Variants in RALA observed in about 807,000 individuals in gnomAD.
The protein encoded by RALA is RAS like proto-oncogene A, also known as ras-related protein Ral-A.
In RALA, 5 loss-of-function variants were observed where a neutral mutation model predicts 24.0. That is an observed-to-expected ratio of 0.21 (90% CI 0.11 to 0.44). The LOEUF (loss-of-function observed/expected upper bound fraction) is 0.44. RALA is among the 20% of genes least tolerant of loss of function. The probability of loss-of-function intolerance (pLI) is 0.99; values close to 1 mark genes in which losing one functional copy is unlikely to be tolerated. For missense variants in RALA, 95 were observed against 241.2 expected (o/e 0.39, Z 4.01); for synonymous variants, 77 against 83.8 (o/e 0.92, Z 0.44).
chr7:39,696,550 A>G, intron 3 of RALA, 135 bp from the exon 4 acceptor site: 1 of 674,034 alleles, frequency 1.5e-6, no homozygotes. Flanking sequence ...CTGTATCGAT[A>G]TTGGTTCATT....
chr7:39,695,473 G>A (rs184448988), intron 3 of RALA, among the ~76,000 whole-genome samples: 178 of 151,548 alleles, frequency 1.2e-3, no homozygotes, highest in African/African-American at 3.8e-3. Context: ...GTACAGTGAT[G>A]TAATCATGGC....
intron 2 of RALA, among the ~76,000 whole-genome samples, chr7:39,689,877 A>G (rs115361742): frequency 0.015 from 2,268 of 152,324 alleles, 40 homozygotes; most frequent in African/African-American, 0.05. Context: ...TAAAAAATCA[A>G]AAGTTTGGGA....
intron 3 of RALA, among the ~76,000 whole-genome samples, chr7:39,695,907 T>G (rs1443318713): frequency 6.6e-6 from 1 of 152,198 alleles, no homozygotes; most frequent in Non-Finnish European, 1.5e-5. Flanking sequence ...TTTCTTCCAG[T>G]AGATTAATAA....
At chr7:39,681,358 C>A (rs151188391) in intron 1 of RALA, among the ~76,000 whole-genome samples, 6 of 119,188 alleles carry the variant, frequency 5.0e-5, no homozygotes, top group Non-Finnish European at 9.9e-5. Flanking sequence ...TACTCTCTAG[C>A]CCAGGCTGGA....
intron 1 of RALA, among the ~76,000 whole-genome samples, chr7:39,637,686 G>A (rs1467061795): frequency 6.6e-6 from 1 of 152,148 alleles, no homozygotes; most frequent in African/African-American, 2.4e-5. Flanking sequence ...ATTTACATTT[G>A]GTTAGGTTTC....
chr7:39,638,744 GC>G (rs1179900722), intron 1 of RALA, among the ~76,000 whole-genome samples: 1 of 152,200 alleles, frequency 6.6e-6, no homozygotes, highest in Non-Finnish European at 1.5e-5. Context: ...CTGTGCCCAG[GC>G]CATCTTGTTT....
intron 1 of RALA, chr7:39,624,301 T>C: frequency 8.8e-6 from 1 of 114,236 alleles, no homozygotes; most frequent in East Asian, 2.2e-4. Context: ...GTTTGTTTTG[T>C]TTGTTTGTGT....
At chr7:39,629,656 C>A (rs1472792083) in intron 1 of RALA, among the ~76,000 whole-genome samples, 1 of 152,110 alleles carries the variant, frequency 6.6e-6, no homozygotes, top group Admixed American at 6.5e-5. Context: ...AGTACAGTGG[C>A]GCCATCTCAG....
At chr7:39,670,351 T>TG (rs1792358167) in intron 1 of RALA, among the ~76,000 whole-genome samples, 2 of 152,212 alleles carry the variant, frequency 1.3e-5, no homozygotes, top group Admixed American at 6.5e-5. Context: ...CTCACTGTGT[T>TG]GCCCAGGCTG....
intron 2 of RALA, among the ~76,000 whole-genome samples, chr7:39,687,532 A>G (rs1314512671): frequency 1.3e-5 from 2 of 152,230 alleles, no homozygotes; most frequent in African/African-American, 2.4e-5. Context: ...ACTAAAATTT[A>G]TAATTACCAC....
chr7:39,643,056 T>C (rs938845173), intron 1 of RALA, among the ~76,000 whole-genome samples: 1 of 152,228 alleles, frequency 6.6e-6, no homozygotes, highest in African/African-American at 2.4e-5. Context: ...GTAGATTTCC[T>C]TCTGTTCCCA....
At chr7:39,660,800 GA>G (rs1423842702) in intron 1 of RALA, among the ~76,000 whole-genome samples, 17 of 152,136 alleles carry the variant, frequency 1.1e-4, no homozygotes, top group African/African-American at 3.9e-4. Flanking sequence ...GGTATATCAT[GA>G]ATGCATTAAA....
chr7:39,634,423 C>T (rs981992494), intron 1 of RALA, among the ~76,000 whole-genome samples: 13 of 152,190 alleles, frequency 8.5e-5, no homozygotes, highest in Non-Finnish European at 1.5e-4. Context: ...ACCCTGATGG[C>T]ACACTTCAGC....
rs1339743928 is a variant in RALA at position 39,623,643 on chromosome 7, C to G, written c.-220C>G. The G allele has an allele frequency of 6.5e-6, 1 of 153,514 alleles. No individual in the cohort carries two copies. The highest frequency in any genetic ancestry group is 2.5e-5 in the African/African-American group (1 of 40,322). 9.5% of individuals were successfully genotyped at this position (153,514 alleles called of 1,614,324 possible). The stretch of plus-strand genomic sequence containing the variant: ...AGCAAAGCGTCGGAGTCCTCCTCCT[C>G]CTTCTCCTCCTCCTCCTCCTCCTCC... On this transcript the variant is annotated 5_prime_UTR_variant, in exon 1 of 5. Coordinates refer to ENST00000005257, the MANE Select transcript of RALA (RefSeq NM_005402.4). This position sits in a 1 kb window ranked among gnomAD's most constrained non-coding sequence, Gnocchi z 4.9.
At chr7:39,648,946 CT>C (rs1421910529) in intron 1 of RALA, among the ~76,000 whole-genome samples, 1 of 152,154 alleles carries the variant, frequency 6.6e-6, no homozygotes, top group Non-Finnish European at 1.5e-5. Context: ...GTAATCCCAG[CT>C]ACTCAGGAGG....
At chr7:39,663,186 TACAA>T (rs1337832151) in intron 1 of RALA, among the ~76,000 whole-genome samples, 1 of 152,178 alleles carries the variant, frequency 6.6e-6, no homozygotes, top group African/African-American at 2.4e-5. Context: ...TCATATCACA[TACAA>T]ACACAACTAT....
chr7:39,673,292 G>A (rs1792421412), intron 1 of RALA, among the ~76,000 whole-genome samples: 1 of 151,844 alleles, frequency 6.6e-6, no homozygotes, highest in African/African-American at 2.4e-5. Context: ...GACTTACTAG[G>A]TTTTTTTTAA....
intron 1 of RALA, 115 bp from the exon 2 acceptor site, chr7:39,686,516 A>G: frequency 1.7e-6 from 1 of 588,702 alleles, no homozygotes. Flanking sequence ...CCATCTGTTT[A>G]AAATCACTAC....
intron 1 of RALA, among the ~76,000 whole-genome samples, chr7:39,643,017 CA>C (rs1256770574): frequency 6.6e-6 from 1 of 152,178 alleles, no homozygotes; most frequent in African/African-American, 2.4e-5. Context: ...GTATGAAACA[CA>C]TAAGGCAGGA....
Sources: gnomAD v4.1 joint callset for allele counts (sites outside exome capture counted in the v4.1 genomes callset) on GRCh38, gnomAD v4.1.1 for gene constraint, Gnocchi (gnomAD v3.1) non-coding constraint, MANE v1.5 for transcripts, NCBI Gene and HGNC (gene_info 2026-07-23, HGNC 2026-07-21) for gene names.